The following DLGAP4 variants were observed in gnomAD, a reference collection of about 807,000 sequenced individuals.
DLGAP4 encodes disks large-associated protein 4.
DLGAP4 carries 18 observed loss-of-function variants against 86.9 expected under a neutral mutation model. The ratio of observed to expected loss-of-function variants is 0.21; its 90% confidence interval spans 0.14 to 0.31. DLGAP4 has a LOEUF of 0.31. DLGAP4 is among the 10% of genes least tolerant of loss of function. DLGAP4 has a pLI of 1.00. For synonymous variants in DLGAP4, 548 were observed against 574.3 expected (o/e 0.95, Z 0.65); for missense variants, 1,085 against 1,362.6 (o/e 0.80, Z 3.21).
rs35210861 is a variant in DLGAP4 at position 36,409,034 on chromosome 20, C to CTTT, written c.-72-22595_-72-22593dup. Among the ~76,000 whole-genome samples, 162 of 111,138 alleles carry CTTT rather than the reference C, an allele frequency of 1.5e-3. 1 individual carries two copies. The highest frequency in any genetic ancestry group is 1.6e-3 in the Non-Finnish European group (92 of 57,026). 72.9% of individuals were successfully genotyped at this position (111,138 alleles called of 152,430 possible). The stretch of plus-strand genomic sequence containing the variant: ...TCTAAAACTATTGCCAAATAAAAGG[C>CTTT]TTTTTTTTTTTTTTTTTTTGAGACA... On this transcript the variant is annotated intron_variant, in intron 2 of 12. Coordinates refer to ENST00000339266, the MANE Select transcript of DLGAP4 (RefSeq NM_001365621.2).
In DLGAP4 at chr20:36,527,092, C is replaced by A. The variant is rs528781779; in HGVS notation, c.*61C>A. The A allele has an allele frequency of 1.9e-5, 28 of 1,474,606 alleles. No homozygotes were observed. The South Asian group carries it at 3.5e-4, about 18-fold the overall frequency. The allele number at this position is 1,474,606 out of a possible 1,614,324, so 91.3% of individuals were successfully genotyped here. A position where few individuals can be genotyped will look rare whatever the true frequency, so the allele number is the denominator to read the frequency against. On this transcript the variant is annotated 3_prime_UTR_variant, in exon 13 of 13. Transcript: ENST00000339266. ...TAAAAACACAAAAACTAAGTGCGAA[C>A]GGAACAGAGTTTTCTCAACCTTTGC... is the stretch of plus-strand genomic sequence containing the variant.
At chr20:36,334,931 C>T (rs1398514737) in intron 1 of DLGAP4, among the ~76,000 whole-genome samples, 1 of 152,128 alleles carries the variant, frequency 6.6e-6, no homozygotes, top group East Asian at 1.9e-4. Flanking sequence ...CCGATTGCCC[C>T]CCGGGGGTGG....
At chr20:36,450,115 C>T (rs990518163) in intron 7 of DLGAP4, among the ~76,000 whole-genome samples, 2 of 152,202 alleles carry the variant, frequency 1.3e-5, no homozygotes, top group Non-Finnish European at 2.9e-5. Context: ...TGACTGAGCT[C>T]ATAGACAAGG....
chr20:36,379,084 G>A (rs554868723), intron 2 of DLGAP4, among the ~76,000 whole-genome samples: 3 of 152,292 alleles, frequency 2.0e-5, no homozygotes, highest in East Asian at 1.9e-4. Flanking sequence ...GAGAGAGGGG[G>A]CCACAGGACA....
In DLGAP4 at chr20:36,324,747, C is replaced by T. The variant is rs527398777; in HGVS notation, c.-304+18235C>T. On this transcript the variant is annotated intron_variant, in intron 1 of 12. Transcript: ENST00000339266. ...ATTATTGTAGCTTTGTAATAAGTTT[C>T]GAAACTTATTATCTTTTAATATCTG... Among the ~76,000 whole-genome samples, 13 of 152,186 alleles carry T rather than the reference C, an allele frequency of 8.5e-5. No individual in the cohort carries two copies. In the South Asian group the frequency reaches 1.4e-3, roughly 17 times the overall value.
At chr20:36,340,416 G>A (rs1713565790) in intron 1 of DLGAP4, among the ~76,000 whole-genome samples, 2 of 152,076 alleles carry the variant, frequency 1.3e-5, no homozygotes, top group African/African-American at 2.4e-5. Context: ...CCCGTGCACG[G>A]GTCTCCAGTG....
intron 10 of DLGAP4, among the ~76,000 whole-genome samples, chr20:36,519,878 C>A (rs2037268206): frequency 6.6e-6 from 1 of 152,070 alleles, no homozygotes. Flanking sequence ...GCAGCCTTGA[C>A]CTTCTGGGCT....
intron 1 of DLGAP4, among the ~76,000 whole-genome samples, chr20:36,359,687 T>G (rs1378638889): frequency 6.6e-6 from 1 of 152,206 alleles, no homozygotes; most frequent in African/African-American, 2.4e-5. Context: ...CAGTTGGTAC[T>G]GCGTGCAAGG....
chr20:36,415,779 A>G (rs1299706525), intron 2 of DLGAP4, among the ~76,000 whole-genome samples: 2 of 151,794 alleles, frequency 1.3e-5, no homozygotes, highest in Admixed American at 6.6e-5. Context: ...CTCCTACTCA[A>G]CCTCCCCTGG....
chr20:36,323,350 A>G (rs1374935382), intron 1 of DLGAP4, among the ~76,000 whole-genome samples: 1 of 152,134 alleles, frequency 6.6e-6, no homozygotes, highest in Non-Finnish European at 1.5e-5. Context: ...CATAAACAAC[A>G]TCATGCAGAT....
chr20:36,499,537 T>C, intron 8 of DLGAP4, 51 bp from the exon 9 acceptor site: 1 of 1,574,934 alleles, frequency 6.3e-7, no homozygotes, highest in Non-Finnish European at 8.7e-7. Context: ...GTGTTTGTTT[T>C]TTATTTTTGT....
chr20:36,333,254 T>A (rs544089285), intron 1 of DLGAP4, among the ~76,000 whole-genome samples: 11 of 152,274 alleles, frequency 7.2e-5, no homozygotes, highest in Admixed American at 7.2e-4. Flanking sequence ...CTGCTGCAAA[T>A]GCACCATGAA....
At chr20:36,514,437 G>T (rs2036917392) in intron 10 of DLGAP4, among the ~76,000 whole-genome samples, 3 of 152,082 alleles carry the variant, frequency 2.0e-5, no homozygotes, top group Non-Finnish European at 4.4e-5. Flanking sequence ...TTGAGATAGG[G>T]TCTCACTTTG....
At chr20:36,430,731 G>A (rs1358527179) in intron 2 of DLGAP4, among the ~76,000 whole-genome samples, 3 of 151,408 alleles carry the variant, frequency 2.0e-5, no homozygotes, top group Non-Finnish European at 2.9e-5. Context: ...AAGGTGGGCG[G>A]ATCACTTGAG....
intron 10 of DLGAP4, among the ~76,000 whole-genome samples, chr20:36,521,428 T>C (rs1157437091): frequency 6.6e-6 from 1 of 152,250 alleles, no homozygotes; most frequent in Non-Finnish European, 1.5e-5. Context: ...TGCAGTCTTA[T>C]ATAATAATTA....
At chr20:36,455,859 C>G (rs2033865328) in intron 7 of DLGAP4, among the ~76,000 whole-genome samples, 1 of 152,114 alleles carries the variant, frequency 6.6e-6, no homozygotes, top group Non-Finnish European at 1.5e-5. Flanking sequence ...TCAACCCTGT[C>G]CCCCAACCCT....
In DLGAP4 at chr20:36,431,627, T is replaced by G; in HGVS notation, c.-72-19T>G. 1 of 1,428,672 alleles carries G rather than the reference T, an allele frequency of 7.0e-7. No individual in the cohort carries two copies. Among genetic ancestry groups the G allele is most frequent in the Non-Finnish European group, 9.4e-7 (1 of 1,067,938 alleles). The allele number at this position is 1,428,672 out of a possible 1,614,324, so 88.5% of individuals were successfully genotyped here. ...CAATCCAGCTGACCAGCTGACCGCT[T>G]TCTGTCTTCTCTCCCTAGGATAGCT... On this transcript the variant is annotated intron_variant, in intron 2 of 12. Coordinates refer to ENST00000339266, the MANE Select transcript of DLGAP4 (RefSeq NM_001365621.2). This position sits in a 1 kb window ranked among gnomAD's most constrained non-coding sequence, Gnocchi z 5.1.
At chr20:36,461,858 C>G in intron 7 of DLGAP4, 2 of 983,092 alleles carry the variant, frequency 2.0e-6, no homozygotes, top group Non-Finnish European at 2.4e-6. Flanking sequence ...GTCTCTTTGT[C>G]TCTGCCCTCG....
chr20:36,435,273 A>C (rs2033241120), intron 3 of DLGAP4, among the ~76,000 whole-genome samples: 1 of 152,192 alleles, frequency 6.6e-6, no homozygotes, highest in Admixed American at 6.5e-5. Flanking sequence ...TTTTCATCAC[A>C]CAGTGACCAT....
Sources: gnomAD v4.1 joint callset for allele counts (sites outside exome capture counted in the v4.1 genomes callset) on GRCh38, gnomAD v4.1.1 for gene constraint, Gnocchi (gnomAD v3.1) non-coding constraint, MANE v1.5 for transcripts, NCBI Gene and HGNC (gene_info 2026-07-23, HGNC 2026-07-21) for gene names.